Variants in NUP210L observed in about 807,000 individuals in gnomAD.
The protein encoded by NUP210L is nucleoporin 210 like.
Under a neutral mutation model 208.5 loss-of-function variants are expected in NUP210L, and 74 were observed. The observed-to-expected ratio is 0.35, with a 90% CI of 0.29 to 0.43. NUP210L has a LOEUF of 0.43. NUP210L is among the 20% of genes least tolerant of loss of function. The pLI is 1.00. For synonymous variants in NUP210L, 780 were observed against 816.9 expected, an observed-to-expected ratio of 0.95 and a Z score of 0.77; for missense variants, 1,843 against 2,289.4, an observed-to-expected ratio of 0.81 and a Z score of 3.98.
At chr1:154,089,121 A>G (rs994733984) in intron 16 of NUP210L, among the ~76,000 whole-genome samples, 7 of 152,210 alleles carry the variant, frequency 4.6e-5, no homozygotes, top group East Asian at 1.9e-4. Flanking sequence ...AGTGTAGCCA[A>G]TTCTAATCAG....
intron 17 of NUP210L, among the ~76,000 whole-genome samples, chr1:154,069,862 T>C (rs968867309): frequency 2.0e-5 from 3 of 152,170 alleles, no homozygotes; most frequent in African/African-American, 2.4e-5. Context: ...CATGGAATAC[T>C]ATGGAGCCAT....
intron 16 of NUP210L, among the ~76,000 whole-genome samples, chr1:154,070,950 G>A (rs1654682231): frequency 6.6e-6 from 1 of 152,004 alleles, no homozygotes; most frequent in South Asian, 2.1e-4. Flanking sequence ...AGTTAATCAA[G>A]GTGTATGTAT....
At chr1:153,998,010 T>C (rs899679870) in intron 37 of NUP210L, among the ~76,000 whole-genome samples, 4 of 151,746 alleles carry the variant, frequency 2.6e-5, no homozygotes, top group Non-Finnish European at 4.4e-5. Flanking sequence ...ACCTGGCCAA[T>C]TACTGTAATT....
At chr1:154,009,289 T>C (rs2147903744) in intron 35 of NUP210L, among the ~76,000 whole-genome samples, 1 of 152,280 alleles carries the variant, frequency 6.6e-6, no homozygotes, top group African/African-American at 2.4e-5. Context: ...ATCATGCCTA[T>C]TTCCACTTTC....
chr1:154,069,182 CA>C (rs1164851426), intron 17 of NUP210L, among the ~76,000 whole-genome samples: 3 of 152,062 alleles, frequency 2.0e-5, no homozygotes, highest in Non-Finnish European at 4.4e-5. Flanking sequence ...CAACAAAAGC[CA>C]AAATAGACAA....
exon 3 of NUP210L, chr1:154,143,560 G>A (rs1451860049): frequency 1.2e-6 from 2 of 1,613,288 alleles, no homozygotes; most frequent in Non-Finnish European, 1.7e-6. Flanking sequence ...ACATCACAGC[G>A]TAGCTCATGG....
At chr1:154,047,467 G>A (rs2841104) in intron 25 of NUP210L, among the ~76,000 whole-genome samples, 86,901 of 151,838 alleles carry the variant, frequency 0.57, 25,765 homozygotes, top group East Asian at 0.95. Flanking sequence ...TGATGCCCAC[G>A]CTGAAGGTTG....
In NUP210L at chr1:154,079,339, G is replaced by GGAGCAAACTCCTGGGCTT. The variant is rs554053157; in HGVS notation, c.2362-8892_2362-8875dup. The GGAGCAAACTCCTGGGCTT allele has an allele frequency of 1.7e-3, 266 of 152,140 alleles. 1 individual carries two copies. Among genetic ancestry groups the GGAGCAAACTCCTGGGCTT allele is most frequent in the African/African-American group, 6.2e-3 (256 of 41,508 alleles). 9.4% of individuals were successfully genotyped at this position (152,140 alleles called of 1,614,324 possible). A position where few individuals can be genotyped will look rare whatever the true frequency, so the allele number is the denominator to read the frequency against. On this transcript the variant is annotated intron_variant, in intron 16 of 39. Transcript: ENST00000368559. The stretch of plus-strand genomic sequence containing the variant: ...GGGTCTTGCTATATTGCCCAGGCTA[G>GGAGCAAACTCCTGGGCTT]GAGCAAACTCCTGGGCTTAAGCAAG...
chr1:154,106,503 T>C (rs1405156645), intron 12 of NUP210L, among the ~76,000 whole-genome samples: 1 of 152,154 alleles, frequency 6.6e-6, no homozygotes, highest in Non-Finnish European at 1.5e-5. Flanking sequence ...CCTTGGGCCT[T>C]GAGTGAACAC....
At chr1:154,042,581 C>G (rs1384192267) in intron 27 of NUP210L, among the ~76,000 whole-genome samples, 1 of 149,500 alleles carries the variant, frequency 6.7e-6, no homozygotes, top group Non-Finnish European at 1.5e-5. Flanking sequence ...TGCCCGCCAC[C>G]ATGCCCGGCC....
chr1:154,047,333 G>A (rs1653242237), intron 25 of NUP210L, among the ~76,000 whole-genome samples: 1 of 152,174 alleles, frequency 6.6e-6, no homozygotes, highest in Non-Finnish European at 1.5e-5. Context: ...AATATGCATT[G>A]TATGCCTATA....
chr1:154,074,588 A>G (rs1428880242), intron 16 of NUP210L, among the ~76,000 whole-genome samples: 1 of 149,842 alleles, frequency 6.7e-6, no homozygotes, highest in African/African-American at 2.5e-5. Context: ...TCCCCAGTTC[A>G]AGTGATTTTC....
exon 22 of NUP210L, chr1:154,058,205 G>A: frequency 6.2e-7 from 1 of 1,613,984 alleles, no homozygotes; most frequent in Non-Finnish European, 8.5e-7. Flanking sequence ...ACACAGTTTT[G>A]TCTATTTCAA....
At chr1:154,077,056 A>G (rs1655074212) in intron 16 of NUP210L, among the ~76,000 whole-genome samples, 1 of 152,116 alleles carries the variant, frequency 6.6e-6, no homozygotes, top group African/African-American at 2.4e-5. Flanking sequence ...GAGGACCAGA[A>G]GGCAGTGAGA....
chr1:153,992,891 G>A lies in NUP210L; in HGVS notation c.5611C>T (p.Gln1871Ter). The A allele has an allele frequency of 8.7e-6, 14 of 1,613,662 alleles. No individual in the cohort carries two copies. The highest frequency in any genetic ancestry group is 1.1e-5 in the Non-Finnish European group (13 of 1,179,828). The change falls in exon 40 of 40, where the codon CAA (glutamine) becomes TAA (stop). Residue 1871 changes from glutamine (Q) to a stop codon, truncating the protein, a stop_gained. Transcript: ENST00000368559. LOFTEE classifies it high-confidence loss of function. ...AGCCGACTTTGGGCCAATGGAGGTT[G>A]TAGACTCATGAAGTGAGGGGGAGAA... is the stretch of plus-strand genomic sequence containing the variant.
chr1:154,141,037 G>C (rs892777103), intron 4 of NUP210L, among the ~76,000 whole-genome samples: 2 of 151,600 alleles, frequency 1.3e-5, no homozygotes, highest in East Asian at 3.9e-4. Flanking sequence ...ATGAGCCTCT[G>C]GCTAAAATTG....
chr1:154,059,506 C>T (rs924293942), intron 20 of NUP210L, among the ~76,000 whole-genome samples: 8 of 151,920 alleles, frequency 5.3e-5, no homozygotes, highest in Admixed American at 6.6e-5. Flanking sequence ...CTGAACAAAA[C>T]GAAACAAAAA....
intron 10 of NUP210L, among the ~76,000 whole-genome samples, chr1:154,121,451 A>C (rs1657611328): frequency 1.3e-5 from 2 of 152,256 alleles, no homozygotes; most frequent in South Asian, 2.1e-4. Context: ...TGTAGTCCCC[A>C]TTATGTAGTA....
intron 16 of NUP210L, among the ~76,000 whole-genome samples, chr1:154,076,690 A>C (rs1254246219): frequency 6.6e-6 from 1 of 152,128 alleles, no homozygotes; most frequent in African/African-American, 2.4e-5. Context: ...AAGAAAAAAG[A>C]ATGAAAAAAA....
Sources: allele counts gnomAD v4.1 joint callset (sites outside exome capture counted in the v4.1 genomes callset), GRCh38; gene constraint gnomAD v4.1.1; transcripts MANE v1.5; gene names NCBI Gene and HGNC (gene_info 2026-07-23, HGNC 2026-07-21).